AVL9: variants seen among roughly 807,000 people sequenced by gnomAD.
The protein encoded by AVL9 is late secretory pathway protein AVL9 homolog.
A neutral mutation model predicts 79.2 loss-of-function variants in AVL9; 49 were observed. That is an observed-to-expected ratio of 0.62 (90% CI 0.49 to 0.79). The LOEUF (loss-of-function observed/expected upper bound fraction) is 0.79, where lower values mean the gene tolerates loss of function less well. Among genes scored for constraint, AVL9 ranks in the 30% least tolerant of loss-of-function variants. AVL9 has a pLI of 0.00. For synonymous variants in AVL9, 299 were observed against 280.6 expected, an observed-to-expected ratio of 1.07 and a Z score of -0.65; for missense variants, 682 against 776.8, an observed-to-expected ratio of 0.88 and a Z score of 1.45.
chr7:32,531,505 C>T (rs1027881404), intron 1 of AVL9: 3 of 15,984 alleles, frequency 1.9e-4, no homozygotes, highest in South Asian at 2.0e-3. Flanking sequence ...GTACCATTAG[C>T]GTGAAAATCA....
chr7:32,562,738 A>G (rs1790382241), intron 10 of AVL9: 1 of 352,702 alleles, frequency 2.8e-6, no homozygotes, highest in Non-Finnish European at 3.9e-6. Context: ...CTGTGCAACA[A>G]AGCAAGACGT....
chr7:32,497,173 C>T (rs1325473937), intron 1 of AVL9, among the ~76,000 whole-genome samples: 1 of 152,012 alleles, frequency 6.6e-6, no homozygotes, highest in African/African-American at 2.4e-5. Context: ...CTGGACAACA[C>T]GGTGAAACCC....
At chr7:32,521,642 A>G (rs1788160567) in intron 1 of AVL9, among the ~76,000 whole-genome samples, 1 of 152,212 alleles carries the variant, frequency 6.6e-6, no homozygotes, top group African/African-American at 2.4e-5. Context: ...TTACTATGCG[A>G]TAGACAAGAA....
chr7:32,579,838 C>G (rs1791422501), intron 13 of AVL9, among the ~76,000 whole-genome samples: 2 of 150,390 alleles, frequency 1.3e-5, no homozygotes, highest in African/African-American at 4.9e-5. Context: ...TGATCTATGA[C>G]CATGTCCTAA....
At chr7:32,531,410 T>G (rs1212735294) in intron 1 of AVL9, among the ~76,000 whole-genome samples, 1 of 152,276 alleles carries the variant, frequency 6.6e-6, no homozygotes, top group Non-Finnish European at 1.5e-5. Flanking sequence ...AATATACATG[T>G]TAATGAACAT....
chr7:32,525,385 C>T (rs1322583879), intron 1 of AVL9, among the ~76,000 whole-genome samples: 4 of 152,152 alleles, frequency 2.6e-5, no homozygotes, highest in Admixed American at 2.0e-4. Flanking sequence ...TCCAACAAAG[C>T]CAACTTAAGA....
intron 10 of AVL9, among the ~76,000 whole-genome samples, chr7:32,565,827 G>C (rs1223488471): frequency 6.6e-6 from 1 of 151,980 alleles, no homozygotes; most frequent in Non-Finnish European, 1.5e-5. Flanking sequence ...GGCCAACATG[G>C]TGAAACCCCA....
chr7:32,513,814 G>A (rs1484167789), intron 1 of AVL9, among the ~76,000 whole-genome samples: 1 of 152,208 alleles, frequency 6.6e-6, no homozygotes, highest in African/African-American at 2.4e-5. Context: ...ATCTTGGTGA[G>A]GGGAATGTGG....
At chr7:32,541,460 ATTAT>A (rs890916697) in intron 1 of AVL9, among the ~76,000 whole-genome samples, 9 of 152,148 alleles carry the variant, frequency 5.9e-5, no homozygotes, top group African/African-American at 1.4e-4. Context: ...ATAAAATATA[ATTAT>A]TTATTTTTTT....
intron 11 of AVL9, among the ~76,000 whole-genome samples, chr7:32,570,560 A>G (rs367888591): frequency 5.0e-4 from 76 of 152,304 alleles, no homozygotes; most frequent in African/African-American, 1.8e-3. Context: ...CTAGGAATAA[A>G]TATTTGACAT....
chr7:32,540,735 A>G (rs1273259856), intron 1 of AVL9, among the ~76,000 whole-genome samples: 1 of 152,138 alleles, frequency 6.6e-6, no homozygotes, highest in Admixed American at 6.5e-5. Flanking sequence ...AGTGTACCGT[A>G]CATTCCTACA....
At chr7:32,570,818 A>G (rs1790802702) in intron 11 of AVL9, among the ~76,000 whole-genome samples, 1 of 150,804 alleles carries the variant, frequency 6.6e-6, no homozygotes, top group Non-Finnish European at 1.5e-5. Context: ...ATGGGGTTTC[A>G]CCATGTTGGC....
At chr7:32,518,034 T>C (rs560281481) in intron 1 of AVL9, among the ~76,000 whole-genome samples, 7 of 152,244 alleles carry the variant, frequency 4.6e-5, no homozygotes, top group South Asian at 2.1e-4. Context: ...TTTCACCATG[T>C]TGGCCAGGCT....
intron 5 of AVL9, among the ~76,000 whole-genome samples, chr7:32,551,968 G>A (rs955282589): frequency 5.9e-5 from 9 of 151,422 alleles, no homozygotes; most frequent in Non-Finnish European, 1.0e-4. Flanking sequence ...AATGAACCAC[G>A]CTCTAAAATG....
chr7:32,572,958 G>T (rs771853778), intron 11 of AVL9, among the ~76,000 whole-genome samples: 1 of 152,068 alleles, frequency 6.6e-6, no homozygotes, highest in Non-Finnish European at 1.5e-5. Context: ...ATCTAGGTGA[G>T]TAATTTTGTA....
At chr7:32,507,279 CAT>C (rs1787451759) in intron 1 of AVL9, among the ~76,000 whole-genome samples, 1 of 152,094 alleles carries the variant, frequency 6.6e-6, no homozygotes, top group Non-Finnish European at 1.5e-5. Flanking sequence ...AAACATCATA[CAT>C]ACACAGAAAA....
intron 1 of AVL9, among the ~76,000 whole-genome samples, chr7:32,503,140 C>T (rs1275922268): frequency 6.6e-6 from 1 of 151,494 alleles, no homozygotes; most frequent in African/African-American, 2.4e-5. Flanking sequence ...ATTAAGTTGT[C>T]AGAAGTGTGA....
At chr7:32,564,724 G>T (rs1790479506) in intron 10 of AVL9, among the ~76,000 whole-genome samples, 1 of 152,124 alleles carries the variant, frequency 6.6e-6, no homozygotes, top group African/African-American at 2.4e-5. Context: ...TCCTTCTCAG[G>T]AAAGCCTGAG....
rs545925533 is a variant in AVL9, at chr7:32,556,868, CA to C, written c.610-1689del. On this transcript the variant is annotated intron_variant, in intron 8 of 15. Transcript: ENST00000318709. ...GCAACCTCTAACTCCCAGGCTCAAG[CA>C]ATTCTTCCACCTCAGCTTCCTGAGT... Among the ~76,000 whole-genome samples the C allele has an allele frequency of 7.2e-5, 11 of 152,190 alleles. No individual in the cohort carries two copies. The South Asian group carries it at 2.3e-3, about 32-fold the overall frequency.
Sources: gnomAD v4.1 joint callset for allele counts (sites outside exome capture counted in the v4.1 genomes callset) on GRCh38, gnomAD v4.1.1 for gene constraint, MANE v1.5 for transcripts, NCBI Gene and HGNC (gene_info 2026-07-23, HGNC 2026-07-21) for gene names.